RGS6: variants seen among roughly 807,000 people sequenced by gnomAD.
RGS6 encodes the protein regulator of G protein signaling 6.
Under a neutral mutation model 78.5 loss-of-function variants are expected in RGS6, and 30 were observed. The ratio of observed to expected loss-of-function variants is 0.38; its 90% CI spans 0.29 to 0.52. RGS6 has a LOEUF of 0.52. Ranked by LOEUF, RGS6 falls within the 20% of genes least tolerant of loss-of-function variation. The pLI, the probability that RGS6 is intolerant of heterozygous loss-of-function variation, is 0.85. For missense variants in RGS6, 495 were observed against 609.7 expected, an observed-to-expected ratio of 0.81 and a Z score of 1.98; for synonymous variants, 206 against 206.0, an observed-to-expected ratio of 1.00 and a Z score of 0.00.
chr14:72,160,632 T>C lies in RGS6; in HGVS notation c.85-191463T>C, dbSNP rs1442467292. On this transcript the variant is annotated intron_variant, in intron 2 of 17. Coordinates refer to ENST00000553525, the MANE Select transcript of RGS6 (RefSeq NM_001204424.2). ...GTGAAAATGAGGCCTTTGGGATGGGTCCTAATCCAATATGGTTGTTGTCTT... is the reference window on the plus strand; with the variant it reads ...GTGAAAATGAGGCCTTTGGGATGGGCCCTAATCCAATATGGTTGTTGTCTT... Among the ~76,000 whole-genome samples the C allele has an allele frequency of 2.0e-5, 3 of 152,140 alleles. No homozygotes were observed. The East Asian group carries it at 5.8e-4, about 29-fold the overall frequency.
chr14:72,490,522 G>T (rs936412666), intron 12 of RGS6, among the ~76,000 whole-genome samples: 3 of 152,244 alleles, frequency 2.0e-5, no homozygotes, highest in Middle Eastern at 3.4e-3. Context: ...CCGTGGTTTC[G>T]CTTGTCTATT....
chr14:72,244,557 C>T (rs1339880411), intron 2 of RGS6, among the ~76,000 whole-genome samples: 1 of 152,186 alleles, frequency 6.6e-6, no homozygotes, highest in African/African-American at 2.4e-5. Flanking sequence ...AGTTGTTCCC[C>T]CTACCATAGC....
intron 2 of RGS6, among the ~76,000 whole-genome samples, chr14:72,281,902 A>G (rs1419822712): frequency 6.6e-6 from 1 of 152,212 alleles, no homozygotes; most frequent in Admixed American, 6.5e-5. Flanking sequence ...TTTTGTTAAT[A>G]TATAAGACAC....
chr14:72,060,087 C>T (rs2093816935), intron 2 of RGS6, among the ~76,000 whole-genome samples: 1 of 152,132 alleles, frequency 6.6e-6, no homozygotes. Flanking sequence ...TCTCTACCTA[C>T]CAAGGTCCTG....
intron 14 of RGS6, among the ~76,000 whole-genome samples, chr14:72,517,245 C>T (rs1049581851): frequency 9.9e-5 from 15 of 152,132 alleles, no homozygotes; most frequent in Admixed American, 8.5e-4. Flanking sequence ...TTCGCTTGTC[C>T]CTCCCTTTCT....
At chr14:72,346,547 A>G (rs931631546) in intron 2 of RGS6, among the ~76,000 whole-genome samples, 16 of 152,234 alleles carry the variant, frequency 1.1e-4, no homozygotes, top group African/African-American at 3.6e-4. Flanking sequence ...GGTAAGACAG[A>G]CAACATGGAG....
At chr14:72,453,734 T>C (rs2095556923) in intron 3 of RGS6, among the ~76,000 whole-genome samples, 1 of 150,550 alleles carries the variant, frequency 6.6e-6, no homozygotes, top group South Asian at 2.1e-4. Context: ...CACAACAAAG[T>C]TCAGTCCTTT....
At chr14:72,046,373 A>G (rs1025915803) in intron 2 of RGS6, among the ~76,000 whole-genome samples, 1 of 152,104 alleles carries the variant, frequency 6.6e-6, no homozygotes, top group African/African-American at 2.4e-5. Context: ...GAAACATTTT[A>G]TTTCTAAAAT....
At chr14:72,388,374 CCATAA>C (rs774946360) in intron 3 of RGS6, among the ~76,000 whole-genome samples, 2 of 152,226 alleles carry the variant, frequency 1.3e-5, no homozygotes, top group South Asian at 4.2e-4. Flanking sequence ...CTTATTGGTC[CCATAA>C]CATATCACTT....
chr14:72,112,326 C>T (rs1028234274), intron 2 of RGS6, among the ~76,000 whole-genome samples: 10 of 152,288 alleles, frequency 6.6e-5, no homozygotes, highest in African/African-American at 2.2e-4. Context: ...TGTTTTGATG[C>T]GTGCTCCCCA....
chr14:71,923,842 A>AT, the RGS6 span, among the ~76,000 whole-genome samples: 1 of 152,160 alleles, frequency 6.6e-6, no homozygotes, highest in South Asian at 2.1e-4. Flanking sequence ...GGGGTGGGGC[A>AT]TTAAAATGTT....
chr14:72,028,256 C>T (rs920397452), intron 2 of RGS6, among the ~76,000 whole-genome samples: 10 of 152,166 alleles, frequency 6.6e-5, no homozygotes, highest in African/African-American at 2.2e-4. Flanking sequence ...ATATGTTCTG[C>T]GTGTTCACAT....
chr14:72,122,811 A>G (rs530906038), intron 2 of RGS6, among the ~76,000 whole-genome samples: 10 of 150,582 alleles, frequency 6.6e-5, no homozygotes, highest in Non-Finnish European at 8.9e-5. Flanking sequence ...AAGTTTAAAT[A>G]TGGAAAAAAA....
chr14:72,118,564 C>A lies in RGS6; in HGVS notation c.84+153689C>A, dbSNP rs116436053. Among the ~76,000 whole-genome samples the A allele has an allele frequency of 6.6e-3, 1,003 of 152,310 alleles. 13 individuals carry two copies. Among genetic ancestry groups the A allele is most frequent in the African/African-American group, 0.023 (962 of 41,568 alleles). ...AAATAGAGAAGTAGACAGAAAGAAGCCTCCTGCTACAGCCTAGGAGCAGAA... is the reference window on the plus strand; with the variant it reads ...AAATAGAGAAGTAGACAGAAAGAAGACTCCTGCTACAGCCTAGGAGCAGAA... On this transcript the variant is annotated intron_variant, in intron 2 of 17. Coordinates refer to ENST00000553525, the MANE Select transcript of RGS6 (RefSeq NM_001204424.2).
At chr14:72,252,020 T>C (rs2055918226) in intron 2 of RGS6, among the ~76,000 whole-genome samples, 1 of 152,218 alleles carries the variant, frequency 6.6e-6, no homozygotes. Flanking sequence ...AGCTATGCCA[T>C]TGGAGTGAAG....
chr14:72,428,880 C>T (rs1033375970), intron 3 of RGS6, among the ~76,000 whole-genome samples: 3 of 152,188 alleles, frequency 2.0e-5, no homozygotes, highest in Admixed American at 6.5e-5. Context: ...GTGTCTGGAC[C>T]CCTCCTCTAG....
chr14:72,362,931 G>C (rs762224957), intron 3 of RGS6, among the ~76,000 whole-genome samples: 8 of 152,166 alleles, frequency 5.3e-5, no homozygotes, highest in African/African-American at 1.7e-4. Flanking sequence ...GTCATTCCAC[G>C]TAGAGAAAAT....
At chr14:72,554,130 G>T (rs565936889) in intron 17 of RGS6, among the ~76,000 whole-genome samples, 1 of 152,340 alleles carries the variant, frequency 6.6e-6, no homozygotes, top group Non-Finnish European at 1.5e-5. Context: ...GGCCCTCTTT[G>T]CATATGCATC....
intron 1 of RGS6, among the ~76,000 whole-genome samples, chr14:71,956,337 G>GTC (rs1452669568): frequency 1.0e-4 from 4 of 39,516 alleles, no homozygotes; most frequent in African/African-American, 5.1e-4. Flanking sequence ...AATAGTGTGT[G>GTC]TGTGTGTGTG....
Sources: allele counts gnomAD v4.1 joint callset (sites outside exome capture counted in the v4.1 genomes callset), GRCh38; gene constraint gnomAD v4.1.1; transcripts MANE v1.5; gene names NCBI Gene and HGNC (gene_info 2026-07-23, HGNC 2026-07-21).